LINGO2: variants seen among roughly 807,000 people sequenced by gnomAD.
LINGO2 encodes leucine-rich repeat and immunoglobulin-like domain-containing nogo receptor-interacting protein 2.
A neutral mutation model predicts 30.6 loss-of-function variants in LINGO2; 14 were observed. The ratio of observed to expected loss-of-function variants is 0.46; its 90% CI spans 0.30 to 0.72. LINGO2 has a LOEUF of 0.72. Ranked by LOEUF, LINGO2 falls within the 30% of genes least tolerant of loss-of-function variation. LINGO2 has a pLI of 0.07. For synonymous variants in LINGO2, 317 were observed against 288.5 expected (o/e 1.10, Z -1.00); for missense variants, 729 against 751.7 (o/e 0.97, Z 0.35).
At chr9:28,256,333 A>G (rs1331733926) in intron 4 of LINGO2, among the ~76,000 whole-genome samples, 7 of 151,958 alleles carry the variant, frequency 4.6e-5, no homozygotes, top group Admixed American at 2.6e-4. Flanking sequence ...CCTGACAATT[A>G]TATACACACT....
At chr9:28,089,473 C>A (rs1054376364) in intron 4 of LINGO2, among the ~76,000 whole-genome samples, 2 of 152,036 alleles carry the variant, frequency 1.3e-5, no homozygotes, top group Non-Finnish European at 2.9e-5. Context: ...CTACTGGGTG[C>A]ATAATGAAAT....
intron 2 of LINGO2, among the ~76,000 whole-genome samples, chr9:28,471,703 T>C (rs953883022): frequency 3.3e-5 from 5 of 152,218 alleles, no homozygotes; most frequent in African/African-American, 9.6e-5. Flanking sequence ...CTAGAACTCT[T>C]ATACTATGTC....
chr9:29,120,029 T>C, the LINGO2 span, among the ~76,000 whole-genome samples: 2 of 152,268 alleles, frequency 1.3e-5, no homozygotes, highest in East Asian at 1.9e-4. Context: ...ATGGGACTGA[T>C]TGAACCAGGT....
At chr9:27,977,136 A>G (rs944377072) in intron 5 of LINGO2, among the ~76,000 whole-genome samples, 6 of 151,836 alleles carry the variant, frequency 4.0e-5, no homozygotes, top group Non-Finnish European at 5.9e-5. Context: ...TCTAGGCAAC[A>G]TTCTAAAATT....
intron 4 of LINGO2, among the ~76,000 whole-genome samples, chr9:28,014,146 A>G (rs971507569): frequency 6.6e-6 from 1 of 152,170 alleles, no homozygotes; most frequent in Non-Finnish European, 1.5e-5. Context: ...GCCTTATTCA[A>G]TAATTCTTAG....
intron 3 of LINGO2, among the ~76,000 whole-genome samples, chr9:28,353,696 A>G (rs549960222): frequency 6.6e-6 from 1 of 152,300 alleles, no homozygotes; most frequent in South Asian, 2.1e-4. Context: ...ATAAAGACAC[A>G]TGCACACGTA....
chr9:28,552,960 G>C (rs1181030919), intron 1 of LINGO2, among the ~76,000 whole-genome samples: 2 of 151,156 alleles, frequency 1.3e-5, no homozygotes, highest in Non-Finnish European at 2.9e-5. Context: ...ATTAATCCCA[G>C]ATATTTTGAA....
intron 4 of LINGO2, among the ~76,000 whole-genome samples, chr9:28,188,098 A>G (rs190565793): frequency 1.1e-4 from 16 of 152,198 alleles, no homozygotes; most frequent in African/African-American, 3.9e-4. Context: ...AAATGTTTCT[A>G]CTTGGCCCTT....
At chr9:29,064,556 G>T in the LINGO2 span, among the ~76,000 whole-genome samples, 1 of 152,060 alleles carries the variant, frequency 6.6e-6, no homozygotes, top group African/African-American at 2.4e-5. Context: ...AAATATTTAA[G>T]ATAACACTCC....
the LINGO2 span, among the ~76,000 whole-genome samples, chr9:29,073,465 G>C: frequency 6.6e-6 from 1 of 152,024 alleles, no homozygotes; most frequent in Admixed American, 6.6e-5. Context: ...TTTCCATATA[G>C]TCTATGAGCT....
chr9:29,160,059 T>C, the LINGO2 span, among the ~76,000 whole-genome samples: 8 of 152,346 alleles, frequency 5.3e-5, no homozygotes, highest in African/African-American at 1.9e-4. Context: ...TGAATAGTTT[T>C]CAATCTTTAT....
intron 2 of LINGO2, among the ~76,000 whole-genome samples, chr9:28,445,508 G>A (rs952837310): frequency 3.9e-5 from 6 of 152,206 alleles, no homozygotes; most frequent in Non-Finnish European, 7.3e-5. Context: ...TAGCAGGCTT[G>A]TGAAGGAGAC....
rs10968370 is a variant in LINGO2, at chr9:28,189,685, G to A, written c.-87+105523C>T. ...GAAGGAAGGGAGGAAGGAAGGAAGGGAGGAAGGAAGGGAGGGAGGAAGGAA... is the reference window on the plus strand; with the variant it reads ...GAAGGAAGGGAGGAAGGAAGGAAGGAAGGAAGGAAGGGAGGGAGGAAGGAA... On this transcript the variant is annotated intron_variant, in intron 4 of 5. Transcript: ENST00000379992. 8.6e-3 allele frequency among the ~76,000 whole-genome samples: 176 copies of A among 20,508 alleles called. 16 individuals are homozygous for A. The highest frequency in any genetic ancestry group is 0.011 in the South Asian group (7 of 612). 13.5% of individuals were successfully genotyped at this position (20,508 alleles called of 152,430 possible).
rs889033332 is a variant in LINGO2 at position 28,182,783 on chromosome 9, C to T, written c.-87+112425G>A. Among the ~76,000 whole-genome samples the T allele has an allele frequency of 2.6e-5, 4 of 151,984 alleles. 1 individual carries two copies. The highest frequency in any genetic ancestry group is 3.9e-4 in the East Asian group (2 of 5,174). ...ACCATTCTCAAGCCAGTCAGAATGG[C>T]GATTATTAAAAAGTCAGGAAACAAC... On this transcript the variant is annotated intron_variant, in intron 4 of 5. Coordinates refer to ENST00000379992, the Ensembl canonical transcript of LINGO2.
At chr9:28,254,243 C>T (rs759783952) in intron 4 of LINGO2, among the ~76,000 whole-genome samples, 1 of 151,934 alleles carries the variant, frequency 6.6e-6, no homozygotes. Context: ...ATTAACAATG[C>T]TACCATTATT....
chr9:28,723,944 A>G, the LINGO2 span, among the ~76,000 whole-genome samples: 2 of 152,058 alleles, frequency 1.3e-5, no homozygotes. Flanking sequence ...TAACAAGATG[A>G]GCTATTCTTT....
At chr9:28,225,079 C>G (rs770898662) in intron 4 of LINGO2, among the ~76,000 whole-genome samples, 7 of 152,042 alleles carry the variant, frequency 4.6e-5, no homozygotes, top group Non-Finnish European at 8.8e-5. Flanking sequence ...AGGAATAAAA[C>G]TAGAGTCCTA....
the LINGO2 span, among the ~76,000 whole-genome samples, chr9:28,997,855 T>TAATAAA: frequency 0.91 from 138,594 of 151,766 alleles, 63,410 homozygotes; most frequent in Non-Finnish European, 0.93. Flanking sequence ...AAACTAATAA[T>TAATAAA]AATAGTTATA....
At chr9:28,881,171 G>A in the LINGO2 span, among the ~76,000 whole-genome samples, 525 of 152,060 alleles carry the variant, frequency 3.5e-3, 6 homozygotes, top group African/African-American at 0.012. Context: ...CATCCCACCC[G>A]ACTAGAAATA....
Sources: allele counts gnomAD v4.1 joint callset (sites outside exome capture counted in the v4.1 genomes callset), GRCh38; gene constraint gnomAD v4.1.1; transcripts MANE v1.5; gene names NCBI Gene and HGNC (gene_info 2026-07-23, HGNC 2026-07-21).